QTMAN: variants seen among roughly 807,000 people sequenced by gnomAD.
QTMAN encodes tRNA-queuosine alpha-mannosyltransferase.
the QTMAN span, among the ~76,000 whole-genome samples, chr2:144,016,563 A>C: frequency 3.3e-5 from 5 of 152,186 alleles, no homozygotes; most frequent in Non-Finnish European, 7.3e-5. Context: ...AATGTCTCCT[A>C]TAGTATCAAT....
the QTMAN span, among the ~76,000 whole-genome samples, chr2:144,147,584 A>G: frequency 6.6e-6 from 1 of 151,850 alleles, no homozygotes; most frequent in Non-Finnish European, 1.5e-5. Flanking sequence ...CTTTCTTACT[A>G]TGCCCATCCC....
the QTMAN span, among the ~76,000 whole-genome samples, chr2:144,158,513 C>T: frequency 6.6e-6 from 1 of 151,752 alleles, no homozygotes; most frequent in Non-Finnish European, 1.5e-5. Context: ...AGAATATCAG[C>T]ATACATGAGG....
At chr2:144,300,671 G>T in the QTMAN span, among the ~76,000 whole-genome samples, 1 of 152,024 alleles carries the variant, frequency 6.6e-6, no homozygotes, top group Admixed American at 6.6e-5. Context: ...CATAATATAC[G>T]AACTGTTCTG....
the QTMAN span, among the ~76,000 whole-genome samples, chr2:144,081,236 T>C: frequency 2.0e-5 from 3 of 151,978 alleles, no homozygotes; most frequent in African/African-American, 7.3e-5. Flanking sequence ...TCTAGAGAGG[T>C]TGTCCTGAGG....
chr2:144,043,215 A>G, the QTMAN span, among the ~76,000 whole-genome samples: 10 of 143,816 alleles, frequency 7.0e-5, no homozygotes, highest in Non-Finnish European at 1.2e-4. Context: ...ACGAATATGT[A>G]TATGTGTGAA....
chr2:144,135,913 T>C, the QTMAN span, among the ~76,000 whole-genome samples: 556 of 152,286 alleles, frequency 3.7e-3, 1 homozygote, highest in Non-Finnish European at 5.7e-3. Context: ...GTTGTAAAGA[T>C]ATTAAATGAT....
At chr2:143,955,986 T>C in the QTMAN span, among the ~76,000 whole-genome samples, 2 of 152,152 alleles carry the variant, frequency 1.3e-5, no homozygotes, top group African/African-American at 4.8e-5. Flanking sequence ...CCCAGGGCTG[T>C]GGGGAGGGAC....
the QTMAN span, among the ~76,000 whole-genome samples, chr2:144,121,959 A>AG: frequency 6.6e-6 from 1 of 152,244 alleles, no homozygotes; most frequent in Non-Finnish European, 1.5e-5. Context: ...GTAGGTAAAA[A>AG]ATAACAGCAT....
At chr2:144,064,936 G>C in the QTMAN span, among the ~76,000 whole-genome samples, 185 of 152,274 alleles carry the variant, frequency 1.2e-3, no homozygotes, top group African/African-American at 4.3e-3. Context: ...AATGTGATAA[G>C]GGACTGAGGA....
the QTMAN span, among the ~76,000 whole-genome samples, chr2:144,133,512 TAATATATATAAATA>T: frequency 1.2e-5 from 1 of 85,700 alleles, no homozygotes; most frequent in Non-Finnish European, 2.1e-5. Context: ...TATATATACA[TAATATATATAAATA>T]AATATATATA....
chr2:144,154,225 CAAAT>C, the QTMAN span, among the ~76,000 whole-genome samples: 1 of 152,118 alleles, frequency 6.6e-6, no homozygotes, highest in Non-Finnish European at 1.5e-5. Flanking sequence ...TCTGGCTATA[CAAAT>C]TGTGGAGAGG....
the QTMAN span, among the ~76,000 whole-genome samples, chr2:144,087,117 C>T: frequency 2.6e-5 from 4 of 151,798 alleles, no homozygotes; most frequent in Admixed American, 6.6e-5. Flanking sequence ...GAGAGAAGTA[C>T]CAAATTATGA....
chr2:144,251,600 A>T, the QTMAN span, among the ~76,000 whole-genome samples: 1 of 152,208 alleles, frequency 6.6e-6, no homozygotes, highest in Non-Finnish European at 1.5e-5. Flanking sequence ...ATAAACCTAA[A>T]CATAAAACAT....
At chr2:144,296,040 G>A in the QTMAN span, among the ~76,000 whole-genome samples, 1 of 152,176 alleles carries the variant, frequency 6.6e-6, no homozygotes, top group Non-Finnish European at 1.5e-5. Context: ...AGGTCAAACT[G>A]TGGTTTATTA....
At chr2:144,034,832 T>C in the QTMAN span, among the ~76,000 whole-genome samples, 1 of 152,050 alleles carries the variant, frequency 6.6e-6, no homozygotes, top group Non-Finnish European at 1.5e-5. Flanking sequence ...GAGTGGAGGG[T>C]TGGGAATGAC....
the QTMAN span, among the ~76,000 whole-genome samples, chr2:144,311,352 A>G: frequency 2.5e-3 from 381 of 152,330 alleles, 4 homozygotes; most frequent in South Asian, 0.013. Context: ...AGGCTTTGTG[A>G]TTAGACTTAG....
the QTMAN span, among the ~76,000 whole-genome samples, chr2:144,210,205 T>G: frequency 6.6e-6 from 1 of 152,176 alleles, no homozygotes; most frequent in Admixed American, 6.5e-5. Flanking sequence ...CCAAGCTGTA[T>G]GACCTTGGAC....
chr2:144,077,813 A>ACT, the QTMAN span, among the ~76,000 whole-genome samples: 2 of 152,222 alleles, frequency 1.3e-5, no homozygotes, highest in South Asian at 4.1e-4. Flanking sequence ...TTTTACAACC[A>ACT]TAGTAAGCAA....
At chr2:144,226,314 G>C in the QTMAN span, among the ~76,000 whole-genome samples, 4 of 152,172 alleles carry the variant, frequency 2.6e-5, no homozygotes, top group African/African-American at 7.2e-5. Context: ...CATACTGTGA[G>C]CCAGATACTA....
Sources: allele counts gnomAD v4.1 joint callset (sites outside exome capture counted in the v4.1 genomes callset), GRCh38; gene constraint gnomAD v4.1.1; transcripts MANE v1.5; gene names NCBI Gene and HGNC (gene_info 2026-07-23, HGNC 2026-07-21).